CDH20: variants seen among roughly 807,000 people sequenced by gnomAD.
CDH20 encodes the protein cadherin 20, also known as cadherin-20.
In CDH20, 29 loss-of-function variants were observed where a neutral mutation model predicts 74.2. The ratio of observed to expected loss-of-function variants is 0.39; its 90% CI spans 0.29 to 0.53. The LOEUF is 0.53. Ranked by LOEUF, CDH20 falls within the 20% of genes least tolerant of loss-of-function variation. The pLI is 0.69. For synonymous variants in CDH20, 469 were observed against 405.4 expected, an observed-to-expected ratio of 1.16 and a Z score of -1.88; for missense variants, 988 against 1,048.3, an observed-to-expected ratio of 0.94 and a Z score of 0.79.
intron 1 of CDH20, among the ~76,000 whole-genome samples, chr18:61,462,570 C>A (rs1280923342): frequency 6.6e-6 from 1 of 152,208 alleles, no homozygotes; most frequent in South Asian, 2.1e-4. Context: ...GGAATATAGC[C>A]AGTAACTTTA....
intron 2 of CDH20, among the ~76,000 whole-genome samples, chr18:61,498,519 A>G (rs1199764044): frequency 6.6e-6 from 1 of 152,178 alleles, no homozygotes; most frequent in Non-Finnish European, 1.5e-5. Context: ...TTATGAACCC[A>G]AGAACCAGTC....
intron 1 of CDH20, among the ~76,000 whole-genome samples, chr18:61,351,725 C>A (rs970890987): frequency 3.3e-5 from 5 of 151,948 alleles, no homozygotes; most frequent in African/African-American, 1.2e-4. Flanking sequence ...TGTACAAGCT[C>A]TGTGATATTA....
At chr18:61,447,710 A>T (rs1909247484) in intron 1 of CDH20, among the ~76,000 whole-genome samples, 1 of 152,152 alleles carries the variant, frequency 6.6e-6, no homozygotes, top group South Asian at 2.1e-4. Flanking sequence ...CTAAGCCAAC[A>T]ATTCTCCTTG....
chr18:61,522,231 C>G (rs1568175567), intron 6 of CDH20, among the ~76,000 whole-genome samples: 1 of 152,172 alleles, frequency 6.6e-6, no homozygotes, highest in Non-Finnish European at 1.5e-5. Context: ...TCTCAGGATA[C>G]AAAATCAATG....
intron 1 of CDH20, among the ~76,000 whole-genome samples, chr18:61,372,647 A>T (rs1005998619): frequency 2.0e-5 from 3 of 152,156 alleles, no homozygotes; most frequent in African/African-American, 4.8e-5. Flanking sequence ...ATTCTGTGAC[A>T]TTAAAAATTC....
chr18:61,537,095 A>G (rs1912840973), intron 8 of CDH20, among the ~76,000 whole-genome samples: 1 of 152,166 alleles, frequency 6.6e-6, no homozygotes, highest in Admixed American at 6.6e-5. Context: ...ATAAACTTAT[A>G]AATGGAATGG....
At chr18:61,550,991 G>C (rs1020886558) in intron 11 of CDH20, among the ~76,000 whole-genome samples, 4 of 152,168 alleles carry the variant, frequency 2.6e-5, no homozygotes, top group Non-Finnish European at 5.9e-5. Context: ...ACCAGGAACA[G>C]TGACTAAACA....
chr18:61,528,878 T>C (rs1912543088), intron 7 of CDH20, among the ~76,000 whole-genome samples: 1 of 152,196 alleles, frequency 6.6e-6, no homozygotes, highest in African/African-American at 2.4e-5. Context: ...CCACATACTA[T>C]AGAAAGAGCA....
intron 1 of CDH20, among the ~76,000 whole-genome samples, chr18:61,460,480 T>C (rs1021998550): frequency 2.0e-5 from 3 of 152,190 alleles, no homozygotes; most frequent in Non-Finnish European, 4.4e-5. Context: ...ACAGAAGCCT[T>C]ATGCAGGGCA....
intron 6 of CDH20, among the ~76,000 whole-genome samples, chr18:61,508,326 C>T (rs896695608): frequency 1.3e-5 from 2 of 152,146 alleles, no homozygotes; most frequent in African/African-American, 4.8e-5. Context: ...AACCTCTGCC[C>T]TCATGGAGTT....
chr18:61,453,317 AC>A (rs1376418282), intron 1 of CDH20, among the ~76,000 whole-genome samples: 1 of 152,172 alleles, frequency 6.6e-6, no homozygotes, highest in African/African-American at 2.4e-5. Context: ...CTGCTCTGTC[AC>A]CCAGGCTAGA....
intron 1 of CDH20, among the ~76,000 whole-genome samples, chr18:61,357,995 C>T (rs1324733624): frequency 6.6e-6 from 1 of 152,150 alleles, no homozygotes. Context: ...CATGTCTATG[C>T]ACCATTCAGA....
intron 1 of CDH20, among the ~76,000 whole-genome samples, chr18:61,458,073 T>A (rs1376265630): frequency 6.6e-6 from 1 of 152,178 alleles, no homozygotes; most frequent in Non-Finnish European, 1.5e-5. Context: ...TTCCTCTTCA[T>A]CCTGCCCCTT....
chr18:61,357,402 T>C (rs1218585316), intron 1 of CDH20, among the ~76,000 whole-genome samples: 2 of 152,100 alleles, frequency 1.3e-5, no homozygotes, highest in African/African-American at 4.8e-5. Context: ...GAGGGTTTTT[T>C]CCCCCCTCCT....
intron 1 of CDH20, among the ~76,000 whole-genome samples, chr18:61,449,048 A>T (rs1022423303): frequency 6.6e-6 from 1 of 152,168 alleles, no homozygotes; most frequent in African/African-American, 2.4e-5. Context: ...TGCCCCATTT[A>T]TATTTTGCTT....
intron 1 of CDH20, among the ~76,000 whole-genome samples, chr18:61,433,090 T>TTACC (rs1908707643): frequency 6.6e-6 from 1 of 152,158 alleles, no homozygotes; most frequent in Admixed American, 6.6e-5. Context: ...CTTGAATGAG[T>TTACC]TACCTCTCTA....
At position 61,377,510 on chromosome 18, in the gene CDH20, G is replaced by A. The variant is rs557081752; in HGVS notation, c.-153+43683G>A. On this transcript the variant is annotated intron_variant, in intron 1 of 11. Coordinates refer to ENST00000262717, the MANE Select transcript of CDH20 (RefSeq NM_031891.4). ...AGCCTTCCTTCAGATTGTCCACCGA[G>A]AGCCCAATCCACTTTGAGTTTTTAC... 7.2e-5 allele frequency among the ~76,000 whole-genome samples: 11 copies of A among 151,854 alleles called. No individual in the cohort carries two copies. The East Asian group carries it at 1.6e-3, about 21-fold the overall frequency.
In CDH20 at chr18:61,515,673, G is replaced by A. The variant is rs1354919612; in HGVS notation, c.1017+8113G>A. On this transcript the variant is annotated intron_variant, in intron 6 of 11. Coordinates refer to ENST00000262717, the MANE Select transcript of CDH20 (RefSeq NM_031891.4). Reference sequence around the variant, plus strand: ...AAATCATCATTCTCAGTAAACTATCGCAAGAACAAAAAACCAAACACTGCA... The same window carrying A: ...AAATCATCATTCTCAGTAAACTATCACAAGAACAAAAAACCAAACACTGCA... 8.1e-5 allele frequency among the ~76,000 whole-genome samples: 12 copies of A among 147,980 alleles called. No individual in the cohort carries two copies. In the South Asian group the frequency reaches 1.5e-3, roughly 19 times the overall value.
chr18:61,374,171 C>A (rs1402367914), intron 1 of CDH20, among the ~76,000 whole-genome samples: 1 of 152,018 alleles, frequency 6.6e-6, no homozygotes, highest in Admixed American at 6.6e-5. Flanking sequence ...TAGCCATATA[C>A]CCAGTCTCCA....
Sources: allele counts gnomAD v4.1 joint callset (sites outside exome capture counted in the v4.1 genomes callset), GRCh38; gene constraint gnomAD v4.1.1; transcripts MANE v1.5; gene names NCBI Gene and HGNC (gene_info 2026-07-23, HGNC 2026-07-21).